The following ASTN1 variants were observed in gnomAD, a reference collection of about 807,000 sequenced individuals.
ASTN1 encodes astrotactin 1.
Under a neutral mutation model 140.7 loss-of-function variants are expected in ASTN1, and 41 were observed. That is an observed-to-expected ratio of 0.29 (90% confidence interval 0.23 to 0.38). ASTN1 has a LOEUF of 0.38. ASTN1 is among the 10% of genes least tolerant of loss of function. The pLI is 1.00. For missense variants in ASTN1, 1,479 were observed against 1,678.8 expected (o/e 0.88, Z 2.08); for synonymous variants, 640 against 652.2 (o/e 0.98, Z 0.29).
At chr1:177,060,240 A>G (rs138214683) in intron 2 of ASTN1, among the ~76,000 whole-genome samples, 3 of 152,280 alleles carry the variant, frequency 2.0e-5, no homozygotes, top group Admixed American at 2.0e-4. Flanking sequence ...TGAGGCTTCA[A>G]ATTTCTAAGT....
chr1:176,943,806 T>C, intron 14 of ASTN1, 85 bp downstream of exon 14: 1 of 1,458,124 alleles, frequency 6.9e-7, no homozygotes, highest in Non-Finnish European at 9.1e-7. Context: ...GAAACCAAAA[T>C]AAGTGAGGTC....
chr1:177,048,550 G>A (rs996749440), intron 2 of ASTN1, among the ~76,000 whole-genome samples: 11 of 152,272 alleles, frequency 7.2e-5, no homozygotes, highest in Admixed American at 1.3e-4. Flanking sequence ...CTCTGCCTCC[G>A]GCTTTACCTG....
At chr1:176,892,175 T>C (rs927582240) in intron 17 of ASTN1, among the ~76,000 whole-genome samples, 16 of 152,194 alleles carry the variant, frequency 1.1e-4, no homozygotes, top group Non-Finnish European at 1.8e-4. Flanking sequence ...TGCCTTATAA[T>C]GATGTTCTGA....
intron 8 of ASTN1, among the ~76,000 whole-genome samples, chr1:177,005,618 A>T (rs918620012): frequency 1.3e-5 from 2 of 152,148 alleles, no homozygotes; most frequent in Admixed American, 6.5e-5. Flanking sequence ...AATGTTTTTT[A>T]TATATATAAT....
chr1:176,991,057 A>C (rs2101896685), intron 8 of ASTN1, among the ~76,000 whole-genome samples: 1 of 152,282 alleles, frequency 6.6e-6, no homozygotes, highest in African/African-American at 2.4e-5. Context: ...TCTTCCCCAA[A>C]GTCCCTCATT....
At chr1:176,901,327 G>A (rs1669756306) in intron 16 of ASTN1, among the ~76,000 whole-genome samples, 1 of 152,194 alleles carries the variant, frequency 6.6e-6, no homozygotes, top group African/African-American at 2.4e-5. Context: ...TTAAGAAAGG[G>A]AGCAGCCAGG....
At chr1:176,883,763 T>C (rs1668908550) in intron 19 of ASTN1, among the ~76,000 whole-genome samples, 1 of 152,228 alleles carries the variant, frequency 6.6e-6, no homozygotes, top group African/African-American at 2.4e-5. Context: ...ATTATGAATG[T>C]TGACCTTTCA....
intron 16 of ASTN1, among the ~76,000 whole-genome samples, chr1:176,932,777 C>A (rs192443493): frequency 6.6e-6 from 1 of 152,298 alleles, no homozygotes; most frequent in Admixed American, 6.5e-5. Flanking sequence ...GGGAGAGAGG[C>A]AAGGCCTAGA....
chr1:176,985,795 CT>C (rs1414089466), intron 8 of ASTN1, among the ~76,000 whole-genome samples: 2 of 151,640 alleles, frequency 1.3e-5, no homozygotes, highest in Non-Finnish European at 2.9e-5. Context: ...TATTTTCAAA[CT>C]GTCATCTTTA....
At chr1:176,974,925 G>A (rs1673300064) in intron 8 of ASTN1, among the ~76,000 whole-genome samples, 2 of 152,176 alleles carry the variant, frequency 1.3e-5, no homozygotes, top group Admixed American at 1.3e-4. Flanking sequence ...AAGAAAGTGA[G>A]GGGCACTGTC....
chr1:177,162,563 T>C (rs1009336553), intron 1 of ASTN1, among the ~76,000 whole-genome samples: 1 of 152,184 alleles, frequency 6.6e-6, no homozygotes, highest in African/African-American at 2.4e-5. Context: ...AGTAGGCACA[T>C]CACAGCATTA....
chr1:176,998,826 G>A (rs1045971236), intron 8 of ASTN1, among the ~76,000 whole-genome samples: 1 of 152,186 alleles, frequency 6.6e-6, no homozygotes, highest in Admixed American at 6.5e-5. Context: ...CACCGTGACG[G>A]TTTTAGTGCA....
At chr1:176,884,003 T>A (rs1668921265) in intron 19 of ASTN1, among the ~76,000 whole-genome samples, 1 of 152,208 alleles carries the variant, frequency 6.6e-6, no homozygotes, top group Admixed American at 6.5e-5. Context: ...GTTTCCTAAT[T>A]GTGGGCTAGG....
intron 16 of ASTN1, among the ~76,000 whole-genome samples, chr1:176,925,956 G>A (rs928482947): frequency 2.2e-4 from 33 of 151,940 alleles, no homozygotes; most frequent in African/African-American, 7.7e-4. Context: ...CAGGTGCCCG[G>A]CACCACGCCC....
intron 1 of ASTN1, among the ~76,000 whole-genome samples, chr1:177,121,597 T>C (rs1473849878): frequency 6.6e-6 from 1 of 152,090 alleles, no homozygotes; most frequent in Admixed American, 6.5e-5. Flanking sequence ...TATAGAGCAT[T>C]TTACTACCAT....
chr1:177,118,743 T>G lies in ASTN1; in HGVS notation c.283+45651A>C, dbSNP rs573467377. Among the ~76,000 whole-genome samples the G allele has an allele frequency of 5.3e-5, 8 of 152,244 alleles. No individual in the cohort carries two copies. In the East Asian group the frequency reaches 1.5e-3, roughly 29 times the overall value. Reference sequence around the variant, plus strand: ...TTGGTTTGCCAATATTACATGTGTATATAATGTTAGAAATGCAGGTATATA... The same window carrying G: ...TTGGTTTGCCAATATTACATGTGTAGATAATGTTAGAAATGCAGGTATATA... On this transcript the variant is annotated intron_variant, in intron 1 of 22. Coordinates refer to ENST00000361833, the MANE Select transcript of ASTN1 (RefSeq NM_004319.3).
intron 15 of ASTN1, 74 bp downstream of exon 15, chr1:176,936,192 C>T (rs1459759953): frequency 2.2e-6 from 3 of 1,369,484 alleles, no homozygotes; most frequent in Non-Finnish European, 3.1e-6. Flanking sequence ...ACAGTGGGAC[C>T]AAAGGCTTCT....
intron 21 of ASTN1, among the ~76,000 whole-genome samples, chr1:176,873,549 A>G (rs960565102): frequency 6.6e-6 from 1 of 152,124 alleles, no homozygotes; most frequent in Non-Finnish European, 1.5e-5. Context: ...CCCATTTGTT[A>G]TTGGATTTAA....
At chr1:176,859,932 T>C (rs995196748), downstream of ASTN1, among the ~76,000 whole-genome samples, 1 of 152,148 alleles carries the variant, frequency 6.6e-6, no homozygotes. Context: ...GGTTGCTTGG[T>C]GGTATGCAAC....
Sources: allele counts gnomAD v4.1 joint callset (sites outside exome capture counted in the v4.1 genomes callset), GRCh38; gene constraint gnomAD v4.1.1; transcripts MANE v1.5; gene names NCBI Gene and HGNC (gene_info 2026-07-23, HGNC 2026-07-21).